Variants in CDK15 observed in about 807,000 individuals in gnomAD.
CDK15 encodes cyclin dependent kinase 15, also known as cyclin-dependent kinase 15.
A neutral mutation model predicts 60.3 loss-of-function variants in CDK15; 62 were observed. That is an observed-to-expected ratio of 1.03 (90% CI 0.84 to 1.27). The LOEUF is 1.27. CDK15 is among the 50% of genes most tolerant of loss of function. The pLI, the probability that CDK15 is intolerant of heterozygous loss-of-function variation, is 0.00. For missense variants in CDK15, 541 were observed against 527.8 expected, an observed-to-expected ratio of 1.03 and a Z score of -0.25; for synonymous variants, 194 against 195.7, an observed-to-expected ratio of 0.99 and a Z score of 0.07.
At chr2:201,886,277 T>C (rs1304497052) in intron 12 of CDK15, among the ~76,000 whole-genome samples, 1 of 152,158 alleles carries the variant, frequency 6.6e-6, no homozygotes, top group African/African-American at 2.4e-5. Context: ...TTTATTTTCT[T>C]TTCTTTTCTT....
At chr2:201,824,370 A>G (rs1696369355) in intron 6 of CDK15, among the ~76,000 whole-genome samples, 1 of 151,536 alleles carries the variant, frequency 6.6e-6, no homozygotes, top group Non-Finnish European at 1.5e-5. Flanking sequence ...TTATGTATTC[A>G]TTTATTCATT....
chr2:201,812,042 G>T (rs1293941294), intron 3 of CDK15, among the ~76,000 whole-genome samples: 1 of 151,670 alleles, frequency 6.6e-6, no homozygotes, highest in Non-Finnish European at 1.5e-5. Context: ...GGTGTGGTGG[G>T]GGTCCCCTGT....
chr2:201,874,541 C>T lies in CDK15; in HGVS notation c.1058+2215C>T, dbSNP rs78854310. Among the ~76,000 whole-genome samples, 27 of 152,302 alleles carry T rather than the reference C, an allele frequency of 1.8e-4. No individual in the cohort carries two copies. The East Asian group carries it at 5.2e-3, about 29-fold the overall frequency. On this transcript the variant is annotated intron_variant, in intron 11 of 13. Transcript: ENST00000652192. ...CTAAGTAAGTGGTAGAGCCAGGATTCATCCGGTACCCAGGTCTCTGTGGAT... is the reference window on the plus strand; with the variant it reads ...CTAAGTAAGTGGTAGAGCCAGGATTTATCCGGTACCCAGGTCTCTGTGGAT...
intron 11 of CDK15, among the ~76,000 whole-genome samples, chr2:201,873,924 T>C (rs1235532800): frequency 4.6e-5 from 7 of 152,098 alleles, no homozygotes; most frequent in Non-Finnish European, 7.4e-5. Flanking sequence ...CGTGGTGGCA[T>C]GTGCCTGTAG....
intron 8 of CDK15, among the ~76,000 whole-genome samples, chr2:201,839,975 T>G (rs1464494643): frequency 1.0e-5 from 1 of 95,618 alleles, no homozygotes; most frequent in Non-Finnish European, 2.2e-5. Context: ...GTTTTTTTTT[T>G]GTTTTTGTTT....
intron 9 of CDK15, among the ~76,000 whole-genome samples, chr2:201,851,865 G>A (rs1454587544): frequency 1.3e-5 from 2 of 152,082 alleles, no homozygotes; most frequent in East Asian, 1.9e-4. Flanking sequence ...TACCATGTTA[G>A]CCAGGCTGAT....
In CDK15 at chr2:201,880,028, G is replaced by T. The variant is rs1169458052; in HGVS notation, c.1059G>T (p.Arg353Ser). Residue 353 changes from arginine (R) to serine (S), a missense_variant and splice_region_variant, in exon 12 of 14, where the codon AGG (arginine) becomes AGT (serine). By Grantham distance (110) the Arg-to-Ser change is moderately radical (BLOSUM62 -1). Coordinates refer to ENST00000652192, the MANE Select transcript of CDK15 (RefSeq NM_001366386.2). ...TPRSLHVVWN[R>S]LGRVPEAEDL... ...CTATTTTTCTCTCCCACTTTTCCAG[G>T]CTGGGCAGGGTTCCTGAAGCTGAAG... 4 of 1,613,606 alleles carry T rather than the reference G, an allele frequency of 2.5e-6. No individual in the cohort carries two copies. Among genetic ancestry groups the T allele is most frequent in the Non-Finnish European group, 3.4e-6 (4 of 1,179,870 alleles).
chr2:201,860,275 A>C (rs901458328), intron 10 of CDK15, among the ~76,000 whole-genome samples: 1 of 152,180 alleles, frequency 6.6e-6, no homozygotes, highest in Non-Finnish European at 1.5e-5. Context: ...TTCTCCACTA[A>C]TGGTTCCAAG....
intron 4 of CDK15, among the ~76,000 whole-genome samples, chr2:201,815,357 CT>C (rs1276828624): frequency 2.0e-5 from 3 of 152,144 alleles, no homozygotes; most frequent in Admixed American, 2.0e-4. Flanking sequence ...AATTCATAGG[CT>C]TTCTACGCAC....
At chr2:201,867,275 T>C (rs1265458238) in intron 10 of CDK15, among the ~76,000 whole-genome samples, 3 of 152,190 alleles carry the variant, frequency 2.0e-5, no homozygotes, top group Non-Finnish European at 2.9e-5. Context: ...CCCTCTTTGC[T>C]AGACCAAAGG....
chr2:201,865,223 ATGCC>A (rs1698572283), intron 10 of CDK15, among the ~76,000 whole-genome samples: 1 of 152,174 alleles, frequency 6.6e-6, no homozygotes, highest in Non-Finnish European at 1.5e-5. Context: ...ATGTCAAATG[ATGCC>A]TCATTAAATA....
At chr2:201,864,105 C>T (rs1698511851) in intron 10 of CDK15, among the ~76,000 whole-genome samples, 1 of 151,986 alleles carries the variant, frequency 6.6e-6, no homozygotes, top group Non-Finnish European at 1.5e-5. Context: ...ATAAATATGA[C>T]ACTGGTACCT....
At chr2:201,843,966 A>G (rs1697525541) in intron 8 of CDK15, among the ~76,000 whole-genome samples, 1 of 152,210 alleles carries the variant, frequency 6.6e-6, no homozygotes, top group African/African-American at 2.4e-5. Flanking sequence ...AAAACACACC[A>G]TGAAAAGGCA....
intron 6 of CDK15, among the ~76,000 whole-genome samples, chr2:201,832,209 C>A (rs1290153913): frequency 6.6e-6 from 1 of 152,156 alleles, no homozygotes; most frequent in South Asian, 2.1e-4. Context: ...CCACATCTGG[C>A]TAATTTTTGT....
At position 201,895,383 on chromosome 2, in the gene CDK15, C is replaced by G. The variant is rs1376483078; in HGVS notation, c.*2116C>G. 1 of 152,182 alleles carries G rather than the reference C, an allele frequency of 6.6e-6. No individual in the cohort carries two copies. Among genetic ancestry groups the G allele is most frequent in the East Asian group, 1.9e-4 (1 of 5,198 alleles). 9.4% of individuals were successfully genotyped at this position (152,182 alleles called of 1,614,324 possible). On this transcript the variant is annotated 3_prime_UTR_variant, in exon 14 of 14. Coordinates refer to ENST00000652192, the MANE Select transcript of CDK15 (RefSeq NM_001366386.2). Reference sequence around the variant, plus strand: ...AATTATCCTCTTTATAATGGAGGAACATTATGCTTATGCATATGCATATAC... The same window carrying G: ...AATTATCCTCTTTATAATGGAGGAAGATTATGCTTATGCATATGCATATAC...
Position 201,807,877 on chromosome 2 carries a change from G to A in CDK15, c.293G>A (p.Gly98Glu). The change falls in exon 3 of 14, where the codon GGG (glycine) becomes GAG (glutamate). Residue 98 changes from glycine (G) to glutamate (E), a missense_variant. By Grantham distance (98) the Gly-to-Glu change is moderately conservative (BLOSUM62 -2). Transcript: ENST00000652192. ...GFQWRKSLPFGAASSYLNLEK... is the reference protein window; with the variant it reads ...GFQWRKSLPFEAASSYLNLEK... The stretch of plus-strand genomic sequence containing the variant: ...GAGCAGAGGAAGAGCCTCCCTTTTG[G>A]GGCAGCCTCATCTTACTTGAACTTG... 1 of 1,614,002 alleles carries A rather than the reference G, an allele frequency of 6.2e-7. No individual in the cohort carries two copies. Among genetic ancestry groups the A allele is most frequent in the Non-Finnish European group, 8.5e-7 (1 of 1,179,960 alleles).
intron 6 of CDK15, among the ~76,000 whole-genome samples, chr2:201,824,183 C>T (rs547820675): frequency 6.6e-6 from 1 of 152,194 alleles, no homozygotes; most frequent in African/African-American, 2.4e-5. Context: ...TCATTAGAAT[C>T]GAAATAATAA....
At chr2:201,866,650 AC>A (rs1698643742) in intron 10 of CDK15, among the ~76,000 whole-genome samples, 1 of 152,168 alleles carries the variant, frequency 6.6e-6, no homozygotes, top group South Asian at 2.1e-4. Context: ...GAAACAAGCT[AC>A]CTCCAGACCT....
intron 4 of CDK15, among the ~76,000 whole-genome samples, chr2:201,817,216 A>C (rs1328174090): frequency 6.6e-6 from 1 of 152,224 alleles, no homozygotes; most frequent in Non-Finnish European, 1.5e-5. Context: ...TGTTTTCCAC[A>C]GTGGCTGAAC....
Sources: allele counts gnomAD v4.1 joint callset (sites outside exome capture counted in the v4.1 genomes callset), GRCh38; gene constraint gnomAD v4.1.1; transcripts MANE v1.5; gene names NCBI Gene and HGNC (gene_info 2026-07-23, HGNC 2026-07-21).